Variants in CRY1 observed in about 807,000 individuals in gnomAD.
CRY1 encodes cryptochrome circadian regulator 1, also known as cryptochrome-1.
In CRY1, 45 loss-of-function variants were observed where a neutral mutation model predicts 76.0. The observed-to-expected ratio is 0.59, with a 90% CI of 0.47 to 0.76. The LOEUF is 0.76. Ranked by LOEUF, CRY1 falls within the 30% of genes least tolerant of loss-of-function variation. The pLI, the probability that CRY1 is intolerant of heterozygous loss-of-function variation, is 0.00. For synonymous variants in CRY1, 248 were observed against 244.0 expected, an observed-to-expected ratio of 1.02 and a Z score of -0.15; for missense variants, 587 against 716.4, an observed-to-expected ratio of 0.82 and a Z score of 2.06.
chr12:107,084,855 T>G (rs1189686091), intron 1 of CRY1, among the ~76,000 whole-genome samples: 1 of 151,564 alleles, frequency 6.6e-6, no homozygotes, highest in Non-Finnish European at 1.5e-5. Context: ...TTCTGCACAG[T>G]GAAAGAAACC....
intron 1 of CRY1, among the ~76,000 whole-genome samples, chr12:107,074,332 A>AT (rs1471428501): frequency 6.6e-6 from 1 of 152,318 alleles, no homozygotes; most frequent in East Asian, 1.9e-4. Flanking sequence ...AAGTCATTCT[A>AT]TTACAGCCTT....
At chr12:107,087,899 C>T (rs1017488172) in intron 1 of CRY1, among the ~76,000 whole-genome samples, 6 of 152,084 alleles carry the variant, frequency 3.9e-5, no homozygotes, top group African/African-American at 1.4e-4. Context: ...ATTACCTGGC[C>T]ATGGTAATGC....
intron 1 of CRY1, among the ~76,000 whole-genome samples, chr12:107,025,459 G>A (rs1332657784): frequency 6.6e-6 from 1 of 152,108 alleles, no homozygotes; most frequent in East Asian, 1.9e-4. Context: ...CTCCTCATCT[G>A]TAAAATTGGG....
chr12:106,998,843 G>A (rs960004979), intron 7 of CRY1, among the ~76,000 whole-genome samples: 1 of 152,006 alleles, frequency 6.6e-6, no homozygotes, highest in Non-Finnish European at 1.5e-5. Context: ...AGGAGTTCAA[G>A]ACCAGCCTGG....
chr12:107,025,308 G>A (rs1202587056), intron 1 of CRY1, among the ~76,000 whole-genome samples: 4 of 152,158 alleles, frequency 2.6e-5, no homozygotes, highest in Admixed American at 6.6e-5. Context: ...CATGGTGAAC[G>A]TCTTTTCAAG....
chr12:107,005,079 CA>C (rs1231238825), intron 3 of CRY1, 26 bp downstream of exon 3: 1 of 1,585,408 alleles, frequency 6.3e-7, no homozygotes. Flanking sequence ...CGCATTTTCC[CA>C]CAGTAAAAAA....
At chr12:107,085,104 C>G (rs1048197857) in intron 1 of CRY1, among the ~76,000 whole-genome samples, 1 of 151,918 alleles carries the variant, frequency 6.6e-6, no homozygotes, top group Non-Finnish European at 1.5e-5. Flanking sequence ...CAAATCAAAA[C>G]CACAATGAGA....
chr12:107,039,726 G>C (rs539874549), intron 1 of CRY1, among the ~76,000 whole-genome samples: 2 of 152,282 alleles, frequency 1.3e-5, no homozygotes, highest in Admixed American at 1.3e-4. Flanking sequence ...CTGCAAAATG[G>C]TGTGATCAGT....
At chr12:107,080,647 G>A (rs1341943008) in intron 1 of CRY1, among the ~76,000 whole-genome samples, 1 of 150,422 alleles carries the variant, frequency 6.6e-6, no homozygotes, top group Non-Finnish European at 1.5e-5. Flanking sequence ...GTCAAACATT[G>A]TTAAAAAAAA....
intron 2 of CRY1, among the ~76,000 whole-genome samples, chr12:107,011,366 A>C (rs1400593274): frequency 1.3e-5 from 2 of 152,102 alleles, no homozygotes; most frequent in Non-Finnish European, 2.9e-5. Context: ...CAAACAAAAA[A>C]AAAAAACAAA....
intron 5 of CRY1, among the ~76,000 whole-genome samples, chr12:107,000,374 CAG>C (rs900611225): frequency 6.6e-6 from 1 of 151,174 alleles, no homozygotes; most frequent in Non-Finnish European, 1.5e-5. Flanking sequence ...TTTCCTGAGA[CAG>C]GGTCTCGCTC....
intron 1 of CRY1, among the ~76,000 whole-genome samples, chr12:107,069,459 T>C (rs1421668916): frequency 6.7e-6 from 1 of 149,290 alleles, no homozygotes; most frequent in Non-Finnish European, 1.5e-5. Flanking sequence ...CACTGTGGTT[T>C]TGTTTTGCAT....
rs990950565 is a variant in CRY1 at position 107,000,035 on chromosome 12, C to T, written c.732G>A (p.Leu244=). The T allele has an allele frequency of 6.2e-7, 1 of 1,611,012 alleles. No individual in the cohort carries two copies. The highest frequency in any genetic ancestry group is 1.1e-5 in the South Asian group (1 of 89,726). ...GACTAAGTCCAGTAGGGCTTGCAAG[C>T]AGAGAATTCGCATTCATTCGAGGTC... ...FERPRMNANS[L]LASPTGLSPY... is the part of the protein sequence containing the mutation. The change falls in exon 6 of 13, where the codon CTG becomes CTA. Residue 244 remains leucine, a synonymous_variant. Coordinates refer to ENST00000008527, the MANE Select transcript of CRY1 (RefSeq NM_004075.5).
chr12:107,077,775 C>T (rs993032223), intron 1 of CRY1, among the ~76,000 whole-genome samples: 1 of 152,026 alleles, frequency 6.6e-6, no homozygotes, highest in Admixed American at 6.6e-5. Context: ...TTTCTTACCT[C>T]TCTCATAAAA....
chr12:107,092,700 G>C lies in CRY1; in HGVS notation c.158+104C>G, dbSNP rs1046422187. ...TAAAATTCGTAAGCGGTATAAGCAAGACAGTCCCACGTCTAAATTCACAGA... is the reference window on the plus strand; with the variant it reads ...TAAAATTCGTAAGCGGTATAAGCAACACAGTCCCACGTCTAAATTCACAGA... On this transcript the variant is annotated intron_variant, in intron 1 of 12. Transcript: ENST00000008527. The C allele has an allele frequency of 5.3e-6, 8 of 1,509,188 alleles. No homozygotes were observed. In the African/African-American group the frequency reaches 1.1e-4, roughly 21 times the overall value. 93.5% of individuals were successfully genotyped at this position (1,509,188 alleles called of 1,614,324 possible). A position where few individuals can be genotyped will look rare whatever the true frequency, so the allele number is the denominator to read the frequency against.
chr12:107,023,379 A>G (rs907579674), intron 1 of CRY1, among the ~76,000 whole-genome samples: 8 of 152,220 alleles, frequency 5.3e-5, no homozygotes, highest in Admixed American at 6.5e-5. Context: ...CAAGTCCTCA[A>G]CAGCCACATG....
intron 1 of CRY1, among the ~76,000 whole-genome samples, chr12:107,076,945 T>C (rs998947742): frequency 1.3e-5 from 2 of 152,186 alleles, no homozygotes; most frequent in African/African-American, 4.8e-5. Context: ...TCCACCATGA[T>C]TGTAACCTTC....
At chr12:107,022,261 G>T in intron 1 of CRY1, 69 bp from the exon 2 acceptor site, 1 of 940,382 alleles carries the variant, frequency 1.1e-6, no homozygotes, top group South Asian at 2.0e-5. Flanking sequence ...TTATTACAAA[G>T]TCATGTTATT....
chr12:107,004,818 T>C (rs940662342), intron 3 of CRY1, among the ~76,000 whole-genome samples: 13 of 152,022 alleles, frequency 8.6e-5, no homozygotes, highest in African/African-American at 3.1e-4. Context: ...GAGTTAAGAG[T>C]AGTCAAGGAA....
Sources: gnomAD v4.1 joint callset for allele counts (sites outside exome capture counted in the v4.1 genomes callset) on GRCh38, gnomAD v4.1.1 for gene constraint, MANE v1.5 for transcripts, NCBI Gene and HGNC (gene_info 2026-07-23, HGNC 2026-07-21) for gene names.